The following PDGFRB variants were observed in gnomAD, a reference collection of about 807,000 sequenced individuals.
PDGFRB encodes the protein platelet derived growth factor receptor beta.
In PDGFRB, 42 loss-of-function variants were observed where a neutral mutation model predicts 120.2. That is an observed-to-expected ratio of 0.35 (90% confidence interval 0.27 to 0.45). PDGFRB has a LOEUF of 0.45. PDGFRB is among the 20% of genes least tolerant of loss of function. The probability of loss-of-function intolerance (pLI) is 1.00; values close to 1 mark genes in which losing one functional copy is unlikely to be tolerated. For synonymous variants in PDGFRB, 586 were observed against 606.8 expected, an observed-to-expected ratio of 0.97 and a Z score of 0.50; for missense variants, 1,149 against 1,476.3, an observed-to-expected ratio of 0.78 and a Z score of 3.63.
Position 150,152,601 on chromosome 5 carries a change from G to T in PDGFRB, c.-7+2796C>A, listed in dbSNP as rs7702205. ...TCCCTTCCCACTGCATTCAGCAGCAGCCTGTTCTGAGCCAATGCCCAGAGC... is the reference window on the plus strand; with the variant it reads ...TCCCTTCCCACTGCATTCAGCAGCATCCTGTTCTGAGCCAATGCCCAGAGC... On this transcript the variant is annotated intron_variant, in intron 1 of 22. Coordinates refer to ENST00000261799, the MANE Select transcript of PDGFRB (RefSeq NM_002609.4). 5.9e-3 allele frequency among the ~76,000 whole-genome samples: 891 copies of T among 152,274 alleles called. 9 individuals carry two copies. Among genetic ancestry groups the T allele is most frequent in the African/African-American group, 0.017 (688 of 41,554 alleles).
In PDGFRB at chr5:150,132,588, A is replaced by G. The variant is rs1207771821; in HGVS notation, c.1127+162T>C. Reference sequence around the variant, plus strand: ...CCTCCACTAGACTAGAAACTCTAGGAGGGATGAACTGTCAGCTCTGGTCGC... The same window carrying G: ...CCTCCACTAGACTAGAAACTCTAGGGGGGATGAACTGTCAGCTCTGGTCGC... On this transcript the variant is annotated intron_variant, in intron 7 of 22. Transcript: ENST00000261799. The surrounding 1 kb of genome is among the most constrained non-coding windows in gnomAD (Gnocchi z 5.0). Among the ~76,000 whole-genome samples, 1 of 152,270 alleles carries G rather than the reference A, an allele frequency of 6.6e-6. No homozygotes were observed. The highest frequency in any genetic ancestry group is 6.5e-5 in the Admixed American group (1 of 15,286).
In PDGFRB at chr5:150,132,728, G is replaced by T. The variant is rs1046381154; in HGVS notation, c.1127+22C>A. 1 of 1,604,432 alleles carries T rather than the reference G, an allele frequency of 6.2e-7. No homozygotes were observed. Among genetic ancestry groups the T allele is most frequent in the Non-Finnish European group, 8.5e-7 (1 of 1,173,796 alleles). On this transcript the variant is annotated intron_variant, in intron 7 of 22. Transcript: ENST00000261799. This position sits in a 1 kb window ranked among gnomAD's most constrained non-coding sequence, Gnocchi z 5.0. ...CAAAGAAAAATAACTTCAAGAATGG[G>T]ATGGGAGAGCGAGCTGCTCACCGGG...
intron 11 of PDGFRB, among the ~76,000 whole-genome samples, chr5:150,126,210 C>T (rs1760287925): frequency 1.3e-5 from 2 of 152,148 alleles, no homozygotes; most frequent in African/African-American, 4.8e-5. Flanking sequence ...ATCCTGGAGC[C>T]CATGCAGTCC....
rs1380202190 is a variant in PDGFRB, at chr5:150,134,143, C to T, written c.632-135G>A. ...GATTCATTCATTCAACAAATATTTA[C>T]TGAATACCTACTACATGCCAAGTAC... is the stretch of plus-strand genomic sequence containing the variant. On this transcript the variant is annotated intron_variant, in intron 4 of 22. Transcript: ENST00000261799. 7 of 796,162 alleles carry T rather than the reference C, an allele frequency of 8.8e-6. No individual in the cohort carries two copies. In the East Asian group the frequency reaches 1.5e-4, roughly 17 times the overall value. 49.3% of individuals were successfully genotyped at this position (796,162 alleles called of 1,614,324 possible).
intron 10 of PDGFRB, among the ~76,000 whole-genome samples, chr5:150,127,699 TG>T (rs1233001363): frequency 6.6e-6 from 1 of 151,710 alleles, no homozygotes; most frequent in East Asian, 1.9e-4. Flanking sequence ...CTGGGCGTGG[TG>T]GTGGACTGCT....
chr5:150,129,688 A>G, intron 10 of PDGFRB, 69 bp downstream of exon 10: 1 of 1,319,212 alleles, frequency 7.6e-7, no homozygotes, highest in South Asian at 1.3e-5. Flanking sequence ...GTACATGGGC[A>G]CATTACCAAT....
Position 150,135,709 on chromosome 5 carries a change from T to C in PDGFRB, c.210A>G (p.Pro70=). The C allele has an allele frequency of 6.2e-7, 1 of 1,614,114 alleles. No individual in the cohort carries two copies. The highest frequency in any genetic ancestry group is 8.5e-7 in the Non-Finnish European group (1 of 1,179,998). ...CATCCTGGGCCTTGGCCATTTCCTG[T>C]GGGGGCTCCTGGGACATCCGTTCCC... ...VVWERMSQEP[P]QEMAKAQDGT... The change falls in exon 3 of 23, where the codon CCA becomes CCG. Residue 70 remains proline (P), a synonymous_variant. Coordinates refer to ENST00000261799, the MANE Select transcript of PDGFRB (RefSeq NM_002609.4).
At chr5:150,125,627 G>A (rs1760273696) in intron 11 of PDGFRB, 50 bp from the exon 12 acceptor site, 1 of 1,601,316 alleles carries the variant, frequency 6.2e-7, no homozygotes, top group Non-Finnish European at 8.5e-7. Context: ...CTCAGGCCCT[G>A]AGCCCCATTA....
intron 22 of PDGFRB, 74 bp downstream of exon 22, chr5:150,117,544 G>GCGCACT: frequency 1.9e-6 from 1 of 513,916 alleles, no homozygotes; most frequent in South Asian, 2.6e-5. Flanking sequence ...GCGCGCGCGC[G>GCGCACT]CACACACACA....
At chr5:150,131,908 T>G (rs920066571) in intron 8 of PDGFRB, 71 bp downstream of exon 8, 7 of 821,912 alleles carry the variant, frequency 8.5e-6, no homozygotes, top group Non-Finnish European at 1.3e-5. Flanking sequence ...GGGTGGACAG[T>G]GCAGGAAGGG....
Position 150,113,937 on chromosome 5 carries a change from G to A in PDGFRB, c.*1826C>T. On this transcript the variant is annotated 3_prime_UTR_variant, in exon 23 of 23. Coordinates refer to ENST00000261799, the MANE Select transcript of PDGFRB (RefSeq NM_002609.4). ...CAGCATACAAAATAGCATTTCTGCT[G>A]TATAAATGTGAGTTAACGTGAGTCC... 4.3e-6 allele frequency: 1 copy of A among 233,366 alleles called. No individual in the cohort carries two copies. The highest frequency in any genetic ancestry group is 8.5e-6 in the Non-Finnish European group (1 of 117,896). 14.5% of individuals were successfully genotyped at this position (233,366 alleles called of 1,614,324 possible).
In PDGFRB at chr5:150,135,014, G is replaced by A. The variant is rs772384541; in HGVS notation, c.367C>T (p.Pro123Ser). ...RKRLYIFVPD[P>S]TVGFLPNDAE... is the part of the protein sequence containing the mutation. ...TCATTAGGGAGGAAGCCCACGGTGG[G>A]ATCTGCCAGGAGTGGAGCCGTGAAT... Residue 123 changes from proline (P) to serine (S), a missense_variant and splice_region_variant, in exon 4 of 23, where the codon CCC becomes TCC. Pro to Ser is a moderately conservative substitution (Grantham distance 74). Around this residue, in one of 3 missense-constraint regions of PDGFRB, gnomAD observed 879 missense variants for 1,108.6 expected, o/e 0.79. Transcript: ENST00000261799. 6.5e-7 allele frequency: 1 copy of A among 1,527,672 alleles called. No homozygotes were observed. Among genetic ancestry groups the A allele is most frequent in the South Asian group, 1.2e-5 (1 of 86,916 alleles). The allele number at this position is 1,527,672 out of a possible 1,614,324, so 94.6% of individuals were successfully genotyped here.
intron 14 of PDGFRB, 68 bp downstream of exon 14, chr5:150,124,182 G>A: frequency 9.6e-7 from 1 of 1,043,068 alleles, no homozygotes; most frequent in Non-Finnish European, 1.5e-6. Context: ...CCTGAGGGGG[G>A]GGTAGGCGGG....
chr5:150,155,348 C>A, intron 1 of PDGFRB, 49 bp downstream of exon 1: 1 of 280,750 alleles, frequency 3.6e-6, no homozygotes, highest in Non-Finnish European at 6.1e-6. Context: ...CAGGTTAGGG[C>A]AAAGGGACAG....
At chr5:150,125,003 C>T (rs1428560124) in intron 12 of PDGFRB, among the ~76,000 whole-genome samples, 172 bp from the exon 13 acceptor site, 1 of 151,506 alleles carries the variant, frequency 6.6e-6, no homozygotes, top group African/African-American at 2.4e-5. Flanking sequence ...CCACCTTGGA[C>T]TCAGGATATT....
Position 150,123,115 on chromosome 5 carries a change from G to A in PDGFRB, c.2110C>T (p.His704Tyr). 3 of 1,614,006 alleles carry A rather than the reference G, an allele frequency of 1.9e-6. No homozygotes were observed. Among genetic ancestry groups the A allele is most frequent in the Non-Finnish European group, 2.5e-6 (3 of 1,179,980 alleles). The stretch of plus-strand genomic sequence containing the variant: ...CTGGGCGGGCGGCGCTTGTCGGAGT[G>A]GTGCTGCAGGAAGGTGTGTTTGTTG... ...HRNKHTFLQH[H>Y]SDKRRPPSAE... Residue 704 changes from histidine (H) to tyrosine (Y), a missense_variant, in exon 15 of 23, where the codon CAC becomes TAC. Coordinates refer to ENST00000261799, the MANE Select transcript of PDGFRB (RefSeq NM_002609.4).
intron 9 of PDGFRB, 36 bp from the exon 10 acceptor site, chr5:150,130,004 C>T (rs1372787548): frequency 2.6e-6 from 4 of 1,511,994 alleles, no homozygotes; most frequent in African/African-American, 2.7e-5. Flanking sequence ...CTGCCAGCCC[C>T]TTCCCCTTGC....
intron 15 of PDGFRB, 72 bp downstream of exon 15, chr5:150,122,970 G>T: frequency 3.7e-6 from 5 of 1,366,686 alleles, no homozygotes; most frequent in Non-Finnish European, 5.1e-6. Context: ...TCCCCTCCTG[G>T]ACAAAAGGAG....
Position 150,117,721 on chromosome 5 carries a change from C to T in PDGFRB, c.3034G>A (p.Val1012Met), listed in dbSNP as rs757545741. 8 of 1,613,446 alleles carry T rather than the reference C, an allele frequency of 5.0e-6. No homozygotes were observed. The highest frequency in any genetic ancestry group is 1.3e-5 in the African/African-American group (1 of 74,978). ...LDTSSVLYTA[V>M]QPNEGDNDYI... ...TCGTTGTCACCCTCATTGGGCTGCACGGCAGTATAGAGGACGGAGCTGGTG... is the reference window on the plus strand; with the variant it reads ...TCGTTGTCACCCTCATTGGGCTGCATGGCAGTATAGAGGACGGAGCTGGTG... Residue 1012 changes from valine (V) to methionine (M), a missense_variant, in exon 22 of 23, where the codon GTG becomes ATG. Val to Met is a conservative substitution (Grantham distance 21). Transcript: ENST00000261799.
Sources: gnomAD v4.1 joint callset for allele counts (sites outside exome capture counted in the v4.1 genomes callset) on GRCh38, gnomAD v4.1.1 for gene constraint, gnomAD v4.1.1 regional missense constraint, Gnocchi (gnomAD v3.1) non-coding constraint, MANE v1.5 for transcripts, NCBI Gene and HGNC (gene_info 2026-07-23, HGNC 2026-07-21) for gene names.